Variants in UBR3 observed in about 807,000 individuals in gnomAD.
The protein encoded by UBR3 is E3 ubiquitin-protein ligase UBR3.
UBR3 carries 85 observed loss-of-function variants against 243.2 expected under a neutral mutation model. The observed-to-expected ratio is 0.35, with a 90% CI of 0.29 to 0.42. The LOEUF (loss-of-function observed/expected upper bound fraction) is 0.42, where lower values mean the gene tolerates loss of function less well. Among genes scored for constraint, UBR3 ranks in the 10% least tolerant of loss-of-function variants. The probability of loss-of-function intolerance (pLI) is 1.00; values close to 1 mark genes in which losing one functional copy is unlikely to be tolerated. For synonymous variants in UBR3, 748 were observed against 799.8 expected (o/e 0.94, Z 1.09); for missense variants, 1,686 against 2,300.8 (o/e 0.73, Z 5.47).
At chr2:169,885,588 GA>G (rs373188377) in intron 5 of UBR3, among the ~76,000 whole-genome samples, 4 of 144,444 alleles carry the variant, frequency 2.8e-5, no homozygotes, top group Non-Finnish European at 3.1e-5. Context: ...AAAACAGACA[GA>G]AAAAAAAAAC....
At chr2:170,056,745 A>G (rs2091345655) in intron 33 of UBR3, among the ~76,000 whole-genome samples, 2 of 152,032 alleles carry the variant, frequency 1.3e-5, no homozygotes. Context: ...CACTGTTATC[A>G]TCAGTTTACT....
intron 2 of UBR3, among the ~76,000 whole-genome samples, chr2:169,875,326 G>A (rs1303494701): frequency 6.6e-6 from 1 of 152,002 alleles, no homozygotes; most frequent in Non-Finnish European, 1.5e-5. Flanking sequence ...ATCAAATGCT[G>A]CTGCTTCTTT....
At chr2:169,935,053 TACA>T (rs1002135045) in intron 19 of UBR3, among the ~76,000 whole-genome samples, 3 of 152,072 alleles carry the variant, frequency 2.0e-5, no homozygotes, top group Non-Finnish European at 4.4e-5. Context: ...ACAAAAACAA[TACA>T]ACAACAACAA....
At chr2:169,900,287 A>G (rs984859859) in intron 8 of UBR3, among the ~76,000 whole-genome samples, 5 of 152,174 alleles carry the variant, frequency 3.3e-5, no homozygotes, top group Non-Finnish European at 7.3e-5. Flanking sequence ...GGCTGCATAA[A>G]TGTCTTCTTT....
At chr2:169,998,381 A>G (rs1458312658) in intron 26 of UBR3, among the ~76,000 whole-genome samples, 2 of 152,188 alleles carry the variant, frequency 1.3e-5, no homozygotes, top group Non-Finnish European at 2.9e-5. Flanking sequence ...TCTGAGTTGG[A>G]TTATACTCTG....
intron 27 of UBR3, among the ~76,000 whole-genome samples, 155 bp from the exon 28 acceptor site, chr2:170,006,835 A>T (rs1281630519): frequency 6.6e-6 from 1 of 152,238 alleles, no homozygotes; most frequent in Non-Finnish European, 1.5e-5. Flanking sequence ...GGTGAACTTT[A>T]ACAGTTAAAT....
intron 24 of UBR3, 100 bp from the exon 25 acceptor site, chr2:169,986,545 T>G: frequency 1.8e-6 from 2 of 1,133,454 alleles, no homozygotes; most frequent in Non-Finnish European, 2.5e-6. Flanking sequence ...TTATTGATAT[T>G]GAAGCTAAAA....
intron 19 of UBR3, among the ~76,000 whole-genome samples, chr2:169,940,197 A>G (rs989978565): frequency 1.3e-5 from 2 of 152,264 alleles, no homozygotes; most frequent in Non-Finnish European, 2.9e-5. Context: ...GAAATATAAA[A>G]TACATTATTA....
intron 37 of UBR3, 30 bp from the exon 38 acceptor site, chr2:170,080,515 A>C: frequency 6.5e-7 from 1 of 1,541,082 alleles, no homozygotes; most frequent in Non-Finnish European, 8.8e-7. Context: ...TTTGATTATG[A>C]AGTTCATTAA....
intron 1 of UBR3, among the ~76,000 whole-genome samples, chr2:169,868,703 T>C (rs2083336669): frequency 6.6e-6 from 1 of 152,184 alleles, no homozygotes; most frequent in Non-Finnish European, 1.5e-5. Flanking sequence ...ACCACTAACA[T>C]TTTCTTGTAT....
intron 20 of UBR3, among the ~76,000 whole-genome samples, chr2:169,943,117 A>G (rs1435599325): frequency 6.6e-6 from 1 of 152,230 alleles, no homozygotes; most frequent in East Asian, 1.9e-4. Context: ...TTTGATAAAC[A>G]TTTTAGGAAC....
intron 1 of UBR3, among the ~76,000 whole-genome samples, chr2:169,847,860 T>A (rs1226123323): frequency 6.6e-6 from 1 of 152,234 alleles, no homozygotes; most frequent in Non-Finnish European, 1.5e-5. Flanking sequence ...TTTGGTAGTT[T>A]CCATACAGTT....
At chr2:169,886,761 C>T (rs1444211182) in intron 5 of UBR3, among the ~76,000 whole-genome samples, 3 of 152,262 alleles carry the variant, frequency 2.0e-5, no homozygotes, top group East Asian at 3.9e-4. Context: ...AACATTTCCC[C>T]CTGGGCCCCA....
chr2:169,838,092 G>A (rs59871961), intron 1 of UBR3, among the ~76,000 whole-genome samples: 64,016 of 152,040 alleles, frequency 0.42, 15,318 homozygotes, highest in Non-Finnish European at 0.55. Context: ...TCAGGAGCTT[G>A]TCAAGTTCTC....
At chr2:169,930,382 T>G (rs537300950) in intron 18 of UBR3, among the ~76,000 whole-genome samples, 7 of 133,362 alleles carry the variant, frequency 5.2e-5, no homozygotes, top group South Asian at 2.3e-4. Flanking sequence ...AAATTAGTTG[T>G]TTTTTTTTTT....
At chr2:169,878,487 C>G in intron 4 of UBR3, 38 bp from the exon 5 acceptor site, 1 of 1,530,744 alleles carries the variant, frequency 6.5e-7, no homozygotes, top group Non-Finnish European at 8.8e-7. Flanking sequence ...CAATATGTAG[C>G]AACTATGAAG....
At chr2:169,850,671 C>T (rs374749348) in intron 1 of UBR3, among the ~76,000 whole-genome samples, 108 of 152,148 alleles carry the variant, frequency 7.1e-4, no homozygotes, top group South Asian at 6.9e-3. Context: ...GGTGAAACCC[C>T]GTTTCTACTA....
At position 169,876,683 on chromosome 2, in the gene UBR3, G is replaced by C. The variant is rs562757161; in HGVS notation, c.844+734G>C. Reference sequence around the variant, plus strand: ...AGCGATTCTCCTGCCTCAGCCTCCCGAGTAGCTGGGATTACAGGTACCTGC... The same window carrying C: ...AGCGATTCTCCTGCCTCAGCCTCCCCAGTAGCTGGGATTACAGGTACCTGC... On this transcript the variant is annotated intron_variant, in intron 3 of 38. Transcript: ENST00000272793. 2.4e-3 allele frequency among the ~76,000 whole-genome samples: 361 copies of C among 152,046 alleles called. 1 individual carries two copies. The highest frequency in any genetic ancestry group is 8.4e-3 in the African/African-American group (350 of 41,466).
At chr2:169,842,835 A>G (rs1357033984) in intron 1 of UBR3, among the ~76,000 whole-genome samples, 1 of 152,218 alleles carries the variant, frequency 6.6e-6, no homozygotes, top group East Asian at 1.9e-4. Context: ...GAGACCAAGA[A>G]CCCACCAATT....
Sources: allele counts gnomAD v4.1 joint callset (sites outside exome capture counted in the v4.1 genomes callset), GRCh38; gene constraint gnomAD v4.1.1; transcripts MANE v1.5; gene names NCBI Gene and HGNC (gene_info 2026-07-23, HGNC 2026-07-21).